The following SDCCAG8 variants were observed in gnomAD, a reference collection of about 807,000 sequenced individuals.
SDCCAG8 encodes SHH signaling and ciliogenesis regulator SDCCAG8.
A neutral mutation model predicts 101.8 loss-of-function variants in SDCCAG8; 74 were observed. That is an observed-to-expected ratio of 0.73 (90% CI 0.60 to 0.88). The LOEUF (loss-of-function observed/expected upper bound fraction) is 0.88. Among genes scored for constraint, SDCCAG8 ranks in the 40% least tolerant of loss-of-function variants. The pLI is 0.00. For synonymous variants in SDCCAG8, 281 were observed against 292.9 expected (o/e 0.96, Z 0.41); for missense variants, 787 against 822.6 (o/e 0.96, Z 0.53).
chr1:243,285,159 G>A (rs377712232), intron 4 of SDCCAG8, among the ~76,000 whole-genome samples: 2 of 152,180 alleles, frequency 1.3e-5, no homozygotes, highest in South Asian at 2.1e-4. Context: ...GATTACAGGC[G>A]TGAGCCACCG....
intron 8 of SDCCAG8, among the ~76,000 whole-genome samples, chr1:243,314,988 G>T (rs920125950): frequency 3.3e-5 from 5 of 152,238 alleles, no homozygotes; most frequent in African/African-American, 1.2e-4. Flanking sequence ...GGAATTACAG[G>T]CGTGAGCCAC....
chr1:243,340,978 A>G, intron 10 of SDCCAG8, 61 bp from the exon 11 acceptor site: 1 of 1,533,714 alleles, frequency 6.5e-7, no homozygotes, highest in Non-Finnish European at 9.0e-7. Flanking sequence ...AATTCAAGAA[A>G]GTTTTAGTAT....
chr1:243,366,881 G>A (rs958785913), intron 12 of SDCCAG8, among the ~76,000 whole-genome samples: 19 of 152,036 alleles, frequency 1.2e-4, no homozygotes, highest in African/African-American at 4.1e-4. Context: ...CTGGCCATCT[G>A]GATCATATAT....
chr1:243,302,658 T>A (rs2071639587), intron 6 of SDCCAG8, among the ~76,000 whole-genome samples: 1 of 152,244 alleles, frequency 6.6e-6, no homozygotes, highest in Admixed American at 6.5e-5. Context: ...TTAAAGTTTT[T>A]TGATATTGTA....
chr1:243,421,796 C>T (rs1178089241), intron 15 of SDCCAG8, among the ~76,000 whole-genome samples: 2 of 152,158 alleles, frequency 1.3e-5, no homozygotes. Flanking sequence ...CTTCTGTATT[C>T]CCCAGTACTC....
At chr1:243,420,431 A>C (rs978007033) in intron 15 of SDCCAG8, among the ~76,000 whole-genome samples, 10 of 152,214 alleles carry the variant, frequency 6.6e-5, no homozygotes, top group Admixed American at 6.5e-4. Flanking sequence ...ATCACTTTAC[A>C]TAGCTATTGT....
At chr1:243,475,667 C>G (rs1376489349) in intron 16 of SDCCAG8, among the ~76,000 whole-genome samples, 2 of 152,168 alleles carry the variant, frequency 1.3e-5, no homozygotes, top group African/African-American at 4.8e-5. Context: ...CTGGTTGGAA[C>G]ACCTAAAAGT....
At chr1:243,499,133 G>C (rs1668841286) in intron 17 of SDCCAG8, among the ~76,000 whole-genome samples, 1 of 152,214 alleles carries the variant, frequency 6.6e-6, no homozygotes, top group Non-Finnish European at 1.5e-5. Context: ...TTCTGAACTT[G>C]TGATTCTCCC....
chr1:243,303,222 T>C (rs1178607994), intron 6 of SDCCAG8, among the ~76,000 whole-genome samples: 1 of 152,146 alleles, frequency 6.6e-6, no homozygotes, highest in Non-Finnish European at 1.5e-5. Context: ...GGAAACAAAT[T>C]GACATGAGAT....
intron 1 of SDCCAG8, among the ~76,000 whole-genome samples, chr1:243,268,697 A>G (rs1384718915): frequency 6.6e-6 from 1 of 152,142 alleles, no homozygotes; most frequent in Non-Finnish European, 1.5e-5. Flanking sequence ...TTTTTCTATT[A>G]AGTACTAACA....
intron 16 of SDCCAG8, among the ~76,000 whole-genome samples, chr1:243,428,915 T>C (rs2081525171): frequency 6.6e-6 from 1 of 152,248 alleles, no homozygotes; most frequent in African/African-American, 2.4e-5. Context: ...ATCGTCTGCA[T>C]GTGAACAGTT....
intron 6 of SDCCAG8, 92 bp downstream of exon 6, chr1:243,293,311 AT>A: frequency 7.7e-7 from 1 of 1,299,132 alleles, no homozygotes; most frequent in Non-Finnish European, 1.1e-6. Flanking sequence ...ATATAACAAA[AT>A]TTACCATTAT....
intron 16 of SDCCAG8, among the ~76,000 whole-genome samples, chr1:243,462,783 T>G (rs930623400): frequency 1.3e-5 from 2 of 152,140 alleles, no homozygotes; most frequent in African/African-American, 4.8e-5. Context: ...AGTGAAATTG[T>G]TTACCTAGAA....
intron 17 of SDCCAG8, among the ~76,000 whole-genome samples, chr1:243,499,309 C>T (rs532533805): frequency 6.6e-6 from 1 of 152,266 alleles, no homozygotes; most frequent in Non-Finnish European, 1.5e-5. Context: ...GGAGGTGTTT[C>T]AGCTTGTATT....
intron 13 of SDCCAG8, among the ~76,000 whole-genome samples, chr1:243,408,126 C>A (rs2079913278): frequency 6.6e-6 from 1 of 152,146 alleles, no homozygotes; most frequent in South Asian, 2.1e-4. Flanking sequence ...AGTCAGTAGA[C>A]AGGATGATAC....
chr1:243,477,317 C>A (rs1400706903), intron 16 of SDCCAG8, among the ~76,000 whole-genome samples: 2 of 152,162 alleles, frequency 1.3e-5, no homozygotes, highest in African/African-American at 4.8e-5. Context: ...AATTTCCATT[C>A]CTCTGTCCCA....
intron 16 of SDCCAG8, among the ~76,000 whole-genome samples, chr1:243,468,595 G>A (rs1660611011): frequency 6.6e-6 from 1 of 152,176 alleles, no homozygotes; most frequent in Non-Finnish European, 1.5e-5. Flanking sequence ...ACCAAGGTGG[G>A]AGGATCACTT....
chr1:243,480,355 GTGGGTGGGATGGA>G (rs1663258602), intron 16 of SDCCAG8, among the ~76,000 whole-genome samples: 1 of 89,662 alleles, frequency 1.1e-5, no homozygotes, highest in Admixed American at 1.1e-4. Flanking sequence ...GGATGGATGG[GTGGGTGGGATGGA>G]TGGATGGGTG....
At chr1:243,417,861 T>A in intron 14 of SDCCAG8, 107 bp from the exon 15 acceptor site, 1 of 797,986 alleles carries the variant, frequency 1.3e-6, no homozygotes, top group Non-Finnish European at 2.2e-6. Context: ...TAGTGGCTTA[T>A]TGGAAATGTG....
Sources: gnomAD v4.1 joint callset for allele counts (sites outside exome capture counted in the v4.1 genomes callset) on GRCh38, gnomAD v4.1.1 for gene constraint, MANE v1.5 for transcripts, NCBI Gene and HGNC (gene_info 2026-07-23, HGNC 2026-07-21) for gene names.